FAM149A: variants seen among roughly 807,000 people sequenced by gnomAD.
FAM149A encodes family with sequence similarity 149 member A, also known as protein FAM149A.
In FAM149A, 71 loss-of-function variants were observed where a neutral mutation model predicts 78.2. That is an observed-to-expected ratio of 0.91 (90% CI 0.75 to 1.11). The LOEUF is 1.11. FAM149A is among the 50% of genes least tolerant of loss of function. The probability of loss-of-function intolerance (pLI) is 0.00; values close to 1 mark genes in which losing one functional copy is unlikely to be tolerated. For missense variants in FAM149A, 1,036 were observed against 971.0 expected (o/e 1.07, Z -0.89); for synonymous variants, 446 against 410.5 (o/e 1.09, Z -1.04).
chr4:186,108,572 T>C lies in FAM149A; in HGVS notation c.566+2930T>C, dbSNP rs76326012. 5.8e-3 allele frequency among the ~76,000 whole-genome samples: 876 copies of C among 152,252 alleles called. 12 individuals are homozygous for C. Among genetic ancestry groups the C allele is most frequent in the African/African-American group, 0.02 (841 of 41,562 alleles). On this transcript the variant is annotated intron_variant, in intron 1 of 13. Coordinates refer to ENST00000389354, the MANE Select transcript of FAM149A (RefSeq NM_001367768.3). ...AAGAATTCCGTAAGTGAAAGGCCCA[T>C]GGAACAGAGGCTGCCCCTTTTGCTC...
chr4:186,158,970 A>G (rs1485508784), intron 8 of FAM149A: 2 of 228,408 alleles, frequency 8.8e-6, no homozygotes, highest in African/African-American at 4.7e-5. Context: ...GAAGTTTAAC[A>G]GAATTACCAC....
Position 186,130,293 on chromosome 4 carries a change from C to CTCTCTCTCTCTCTATATATA in FAM149A, c.567-18879_567-18878insCTCTCTCTCTCTATATATAT. ...TCTCTCTCTCTCTCTCTCTCTCTCT[C>CTCTCTCTCTCTCTATATATA]TATATATATATATATATATATAATC... On this transcript the variant is annotated intron_variant, in intron 1 of 13. Coordinates refer to ENST00000389354, the MANE Select transcript of FAM149A (RefSeq NM_001367768.3). The CTCTCTCTCTCTCTATATATA allele has an allele frequency of 4.3e-3, 202 of 46,542 alleles. 1 individual carries two copies. The highest frequency in any genetic ancestry group is 6.3e-3 in the Non-Finnish European group (163 of 25,898). The allele number at this position is 46,542 out of a possible 1,614,324, so 2.9% of individuals were successfully genotyped here.
At position 186,144,821 on chromosome 4, in the gene FAM149A, G is replaced by GCGGCGC. The variant is rs1464610350; in HGVS notation, c.567-4345_567-4340dup. 1.0e-6 allele frequency: 1 copy of GCGGCGC among 983,264 alleles called. No individual in the cohort carries two copies. The highest frequency in any genetic ancestry group is 1.8e-5 in the African/African-American group (1 of 56,758). 60.9% of individuals were successfully genotyped at this position (983,264 alleles called of 1,614,324 possible). A position where few individuals can be genotyped will look rare whatever the true frequency, so the allele number is the denominator to read the frequency against. On this transcript the variant is annotated intron_variant, in intron 1 of 13. Transcript: ENST00000389354. This position sits in a 1 kb window ranked among gnomAD's most constrained non-coding sequence, Gnocchi z 4.2. ...CGCAGCGCAGGGAGGAGGAGGGGAG[G>GCGGCGC]CGGCGCCGGCGCGGGCGGGGCGGAG... is the stretch of plus-strand genomic sequence containing the variant.
At chr4:186,155,619 A>C (rs1337998661) in intron 6 of FAM149A, among the ~76,000 whole-genome samples, 6 of 152,202 alleles carry the variant, frequency 3.9e-5, no homozygotes, top group Non-Finnish European at 8.8e-5. Flanking sequence ...CAGCTCTAAA[A>C]GGGAAGCCTA....
At chr4:186,129,817 C>T (rs1398011) in intron 1 of FAM149A, among the ~76,000 whole-genome samples, 13,218 of 152,176 alleles carry the variant, frequency 0.087, 622 homozygotes, top group East Asian at 0.16. Context: ...TAAATGTACA[C>T]GTCAAGTGTT....
intron 8 of FAM149A, among the ~76,000 whole-genome samples, chr4:186,162,101 C>T (rs1263961817): frequency 6.6e-6 from 1 of 152,194 alleles, no homozygotes; most frequent in Non-Finnish European, 1.5e-5. Context: ...CTCACGCTTT[C>T]TGTCATCTCA....
At chr4:186,156,259 C>G (rs1734027547) in intron 7 of FAM149A, 69 bp downstream of exon 7, 6 of 1,376,898 alleles carry the variant, frequency 4.4e-6, no homozygotes, top group Non-Finnish European at 4.0e-6. Flanking sequence ...GGCTCCTGCT[C>G]CCCAGCTTGG....
intron 1 of FAM149A, chr4:186,127,585 G>T (rs1413560048): frequency 1.0e-6 from 1 of 985,346 alleles, no homozygotes; most frequent in Non-Finnish European, 1.2e-6. Flanking sequence ...GCAGTTTCAT[G>T]AGTGTTTGTT....
At chr4:186,126,442 C>T (rs184317792) in intron 1 of FAM149A, among the ~76,000 whole-genome samples, 6 of 152,134 alleles carry the variant, frequency 3.9e-5, no homozygotes, top group Non-Finnish European at 5.9e-5. Context: ...CATCAGTAGA[C>T]GCAGTGGAAT....
intron 1 of FAM149A, among the ~76,000 whole-genome samples, chr4:186,145,391 C>T (rs1443474740): frequency 6.6e-6 from 1 of 152,146 alleles, no homozygotes; most frequent in African/African-American, 2.4e-5. Flanking sequence ...CTGGAGTGCC[C>T]CTGTGTGTCC....
chr4:186,166,875 T>C, intron 11 of FAM149A, 93 bp from the exon 12 acceptor site: 9 of 1,269,842 alleles, frequency 7.1e-6, no homozygotes, highest in South Asian at 1.3e-5. Flanking sequence ...AGTTTCCAAA[T>C]AGATGAGTGA....
chr4:186,136,847 G>T (rs755758933), intron 1 of FAM149A, among the ~76,000 whole-genome samples: 1 of 152,130 alleles, frequency 6.6e-6, no homozygotes, highest in Admixed American at 6.5e-5. Flanking sequence ...CCGTCCACCT[G>T]TCTGTGCCCG....
In FAM149A at chr4:186,154,469, T is replaced by G; in HGVS notation, c.1060T>G (p.Leu354Val). 1 of 1,608,420 alleles carries G rather than the reference T, an allele frequency of 6.2e-7. No homozygotes were observed. Among genetic ancestry groups the G allele is most frequent in the Non-Finnish European group, 8.5e-7 (1 of 1,176,836 alleles). ...GTAGAATCTGTTTTTTTCCCATAGG[T>G]TGTGCATTTCTGGCTCTCAAATAGT... Residue 354 changes from leucine (L) to valine (V), a missense_variant and splice_region_variant, in exon 6 of 14, where the codon TTG becomes GTG. By Grantham distance (32) the Leu-to-Val change is conservative. Coordinates refer to ENST00000389354, the MANE Select transcript of FAM149A (RefSeq NM_001367768.3).
chr4:186,118,958 T>C (rs770975924), intron 1 of FAM149A, among the ~76,000 whole-genome samples: 17 of 152,170 alleles, frequency 1.1e-4, no homozygotes, highest in African/African-American at 4.1e-4. Context: ...TCTCTCAAAA[T>C]AAACCTTTGG....
chr4:186,171,582 C>A (rs1221113699), intron 13 of FAM149A, among the ~76,000 whole-genome samples: 1 of 152,016 alleles, frequency 6.6e-6, no homozygotes. Context: ...TGGCATTGCA[C>A]CTGCCCCTGG....
At chr4:186,135,315 A>G (rs1424127883) in intron 1 of FAM149A, among the ~76,000 whole-genome samples, 2 of 152,178 alleles carry the variant, frequency 1.3e-5, no homozygotes, top group Non-Finnish European at 2.9e-5. Context: ...TTCCATCTGT[A>G]TGTCTTGAAA....
At chr4:186,150,726 TC>T (rs1472982906) in intron 3 of FAM149A, among the ~76,000 whole-genome samples, 3 of 39,600 alleles carry the variant, frequency 7.6e-5, no homozygotes, top group Admixed American at 5.0e-4. Context: ...GCCTTTTCTC[TC>T]TTTTTTTTTT....
At chr4:186,134,760 T>A (rs1388362582) in intron 1 of FAM149A, among the ~76,000 whole-genome samples, 1 of 152,016 alleles carries the variant, frequency 6.6e-6, no homozygotes, top group Non-Finnish European at 1.5e-5. Context: ...GGAATCTGGA[T>A]TCTGGTCCCT....
chr4:186,125,246 C>T (rs1222443781), intron 1 of FAM149A: 8 of 985,032 alleles, frequency 8.1e-6, no homozygotes, highest in Non-Finnish European at 9.6e-6. Context: ...AGTAATGATG[C>T]AGTTCAGGCC....
Sources: gnomAD v4.1 joint callset for allele counts (sites outside exome capture counted in the v4.1 genomes callset) on GRCh38, gnomAD v4.1.1 for gene constraint, Gnocchi (gnomAD v3.1) non-coding constraint, MANE v1.5 for transcripts, NCBI Gene and HGNC (gene_info 2026-07-23, HGNC 2026-07-21) for gene names.